TANGO6: variants seen among roughly 807,000 people sequenced by gnomAD.
TANGO6 encodes the protein transport and Golgi organization protein 6 homolog.
TANGO6 carries 90 observed loss-of-function variants against 114.2 expected under a neutral mutation model. That is an observed-to-expected ratio of 0.79 (90% CI 0.66 to 0.94). TANGO6 has a LOEUF of 0.94. Among genes scored for constraint, TANGO6 ranks in the 40% least tolerant of loss-of-function variants. TANGO6 has a pLI of 0.00. For missense variants in TANGO6, 1,274 were observed against 1,315.3 expected (o/e 0.97, Z 0.49); for synonymous variants, 477 against 509.8 (o/e 0.94, Z 0.87).
intron 14 of TANGO6, among the ~76,000 whole-genome samples, chr16:68,964,267 A>G (rs1963622622): frequency 6.6e-6 from 1 of 152,094 alleles, no homozygotes; most frequent in South Asian, 2.1e-4. Context: ...ATGAATATGT[A>G]CAATTATTAT....
chr16:68,971,395 G>A (rs1001448884), intron 14 of TANGO6, among the ~76,000 whole-genome samples: 7 of 151,266 alleles, frequency 4.6e-5, no homozygotes, highest in East Asian at 2.0e-4. Context: ...CTCGGCCTCC[G>A]AGTAGCTAGG....
intron 4 of TANGO6, among the ~76,000 whole-genome samples, chr16:68,868,632 G>A (rs1962217379): frequency 6.6e-6 from 1 of 151,514 alleles, no homozygotes; most frequent in Non-Finnish European, 1.5e-5. Flanking sequence ...TGAGTAGCTG[G>A]GACTAAAGGC....
At chr16:68,955,120 T>C (rs1354965068) in intron 14 of TANGO6, among the ~76,000 whole-genome samples, 1 of 152,184 alleles carries the variant, frequency 6.6e-6, no homozygotes, top group African/African-American at 2.4e-5. Flanking sequence ...AGAGTGACTA[T>C]GGCTTTTTCA....
Position 69,083,716 on chromosome 16 carries a change from C to T in TANGO6, c.*55C>T. 2 of 1,511,392 alleles carry T rather than the reference C, an allele frequency of 1.3e-6. No homozygotes were observed. Among genetic ancestry groups the T allele is most frequent in the East Asian group, 2.5e-5 (1 of 40,662 alleles). 93.6% of individuals were successfully genotyped at this position (1,511,392 alleles called of 1,614,324 possible). A position where few individuals can be genotyped will look rare whatever the true frequency, so the allele number is the denominator to read the frequency against. The stretch of plus-strand genomic sequence containing the variant: ...GCAGGGCCAGGCACCCAGAGCCGTG[C>T]CCAGGTCTTCCAGCAGGTGGCCCTG... On this transcript the variant is annotated 3_prime_UTR_variant, in exon 18 of 18. Transcript: ENST00000261778.
At chr16:68,861,411 ATTTG>A (rs1962090590) in intron 2 of TANGO6, among the ~76,000 whole-genome samples, 1 of 152,074 alleles carries the variant, frequency 6.6e-6, no homozygotes, top group South Asian at 2.1e-4. Flanking sequence ...ATTCATAAAC[ATTTG>A]CCTAAAAGCC....
At chr16:68,873,306 G>A (rs1215463337) in intron 4 of TANGO6, among the ~76,000 whole-genome samples, 1 of 151,822 alleles carries the variant, frequency 6.6e-6, no homozygotes, top group Admixed American at 6.6e-5. Flanking sequence ...ATTTATTCAT[G>A]TTTTTTGTTT....
chr16:69,083,502 C>T lies in TANGO6; in HGVS notation c.3126C>T (p.Leu1042=), dbSNP rs773868559. The change falls in exon 18 of 18, where the codon CTC becomes CTT. Residue 1042 remains leucine, a synonymous_variant. Transcript: ENST00000261778. ...TCATGCAGGTGCTGAGCGCCGTCCT[C>T]AAGGATCTCTACCACCTGCTGAAGC... ...QKATEVLSAV[L]KDLYHLLKHV... 6.2e-7 allele frequency: 1 copy of T among 1,611,866 alleles called. No homozygotes were observed. Among genetic ancestry groups the T allele is most frequent in the South Asian group, 1.1e-5 (1 of 90,458 alleles).
rs1184252432 is a variant in TANGO6 at position 68,974,109 on chromosome 16, A to T, written c.2783A>T (p.His928Leu). 3 of 1,613,858 alleles carry T rather than the reference A, an allele frequency of 1.9e-6. No homozygotes were observed. In the African/African-American group the frequency reaches 4.0e-5, roughly 22 times the overall value. The change falls in exon 15 of 18, where the codon CAC becomes CTC. Residue 928 changes from histidine (H) to leucine (L), a missense_variant. By Grantham distance (99) the His-to-Leu change is moderately conservative. Around this residue, in one of 5 missense-constraint regions of TANGO6, gnomAD observed 238 missense variants for 252.9 expected, o/e 0.94. Transcript: ENST00000261778. ...LAQYDSSKDK[H>L]TPETRMKVGE... is the part of the protein sequence containing the mutation. Reference sequence around the variant, plus strand: ...CAATATGACAGCAGCAAAGACAAGCACACACCAGAGACCAGAATGAAAGTC... The same window carrying T: ...CAATATGACAGCAGCAAAGACAAGCTCACACCAGAGACCAGAATGAAAGTC...
chr16:68,974,070 C>G lies in TANGO6; in HGVS notation c.2744C>G (p.Pro915Arg), dbSNP rs750201074. ...LSDVYPEKIL[P>R]DLLAQYDSSK... Reference sequence around the variant, plus strand: ...GACGTCTATCCTGAGAAAATCTTGCCGGACTTGTTGGCTCAATATGACAGC... The same window carrying G: ...GACGTCTATCCTGAGAAAATCTTGCGGGACTTGTTGGCTCAATATGACAGC... The change falls in exon 15 of 18, where the codon CCG becomes CGG. Residue 915 changes from proline (P) to arginine (R), a missense_variant. Transcript: ENST00000261778. The G allele has an allele frequency of 6.2e-7, 1 of 1,612,898 alleles. No homozygotes were observed. Among genetic ancestry groups the G allele is most frequent in the Non-Finnish European group, 8.5e-7 (1 of 1,179,524 alleles).
chr16:69,007,558 C>T (rs1437911393), intron 15 of TANGO6, among the ~76,000 whole-genome samples: 1 of 152,094 alleles, frequency 6.6e-6, no homozygotes, highest in Non-Finnish European at 1.5e-5. Context: ...AGCCACTGTG[C>T]CCGGCCTGGA....
At chr16:69,081,828 CAGACTTTTTTTTT>C (rs1420266443) in intron 17 of TANGO6, among the ~76,000 whole-genome samples, 5 of 146,730 alleles carry the variant, frequency 3.4e-5, no homozygotes, top group Non-Finnish European at 7.5e-5. Flanking sequence ...ACTGTAGTAG[CAGACTTTTTTTTT>C]TTTTTTGAGA....
At chr16:68,868,496 T>G (rs1302663845) in intron 4 of TANGO6, among the ~76,000 whole-genome samples, 1 of 137,016 alleles carries the variant, frequency 7.3e-6, no homozygotes, top group African/African-American at 2.8e-5. Flanking sequence ...ATTTCTATTT[T>G]TTTTTTTTTT....
intron 7 of TANGO6, among the ~76,000 whole-genome samples, chr16:68,890,908 C>A (rs1962604157): frequency 6.6e-6 from 1 of 151,772 alleles, no homozygotes; most frequent in African/African-American, 2.4e-5. Context: ...GCCTCTAATC[C>A]CAGCTATTCA....
chr16:68,970,053 CCT>C (rs1377475825), intron 14 of TANGO6, among the ~76,000 whole-genome samples: 1 of 152,084 alleles, frequency 6.6e-6, no homozygotes, highest in East Asian at 1.9e-4. Context: ...AATCTCATTC[CCT>C]GTTCCTGAAC....
At chr16:68,909,545 G>A in intron 11 of TANGO6, 143 bp downstream of exon 11, 1 of 717,472 alleles carries the variant, frequency 1.4e-6, no homozygotes, top group Non-Finnish European at 2.0e-6. Flanking sequence ...AAACTACACA[G>A]CCCACACCAG....
intron 15 of TANGO6, among the ~76,000 whole-genome samples, chr16:69,004,190 T>G (rs1964069652): frequency 6.6e-6 from 1 of 152,128 alleles, no homozygotes; most frequent in South Asian, 2.1e-4. Flanking sequence ...TTTGTTACCC[T>G]GTAAACAATA....
intron 14 of TANGO6, among the ~76,000 whole-genome samples, chr16:68,935,815 A>G (rs1410244153): frequency 6.6e-6 from 1 of 152,194 alleles, no homozygotes; most frequent in African/African-American, 2.4e-5. Flanking sequence ...TGTTTTTAAA[A>G]AATTTCAACA....
At chr16:69,031,176 TTCTAGAGACC>T (rs1356084980) in intron 16 of TANGO6, among the ~76,000 whole-genome samples, 1 of 152,078 alleles carries the variant, frequency 6.6e-6, no homozygotes, top group East Asian at 1.9e-4. Context: ...CCTGCCCCAC[TTCTAGAGACC>T]TGGACTGTTT....
intron 15 of TANGO6, among the ~76,000 whole-genome samples, chr16:69,001,947 T>C (rs556315030): frequency 1.4e-4 from 21 of 152,254 alleles, no homozygotes; most frequent in Middle Eastern, 3.4e-3. Context: ...CTAGCTGTTA[T>C]ACACCAAGGC....
Sources: gnomAD v4.1 joint callset for allele counts (sites outside exome capture counted in the v4.1 genomes callset) on GRCh38, gnomAD v4.1.1 for gene constraint, gnomAD v4.1.1 regional missense constraint, MANE v1.5 for transcripts, NCBI Gene and HGNC (gene_info 2026-07-23, HGNC 2026-07-21) for gene names.